The following PPARG variants were observed in gnomAD, a reference collection of about 807,000 sequenced individuals.
PPARG encodes peroxisome proliferator-activated receptor gamma.
Under a neutral mutation model 39.2 loss-of-function variants are expected in PPARG, and 17 were observed. That is an observed-to-expected ratio of 0.43 (90% confidence interval 0.30 to 0.65). The LOEUF is 0.65. Ranked by LOEUF, PPARG falls within the 30% of genes least tolerant of loss-of-function variation. The pLI, the probability that PPARG is intolerant of heterozygous loss-of-function variation, is 0.13. For missense variants in PPARG, 406 were observed against 585.9 expected (o/e 0.69, Z 3.17); for synonymous variants, 223 against 215.7 (o/e 1.03, Z -0.30).
At chr3:12,366,454 C>T (rs535306678) in intron 2 of PPARG, among the ~76,000 whole-genome samples, 40 of 151,776 alleles carry the variant, frequency 2.6e-4, no homozygotes, top group Middle Eastern at 6.8e-3. Flanking sequence ...TGTCTTGTTA[C>T]GTTAGCTAAG....
At chr3:12,426,091 A>G (rs563074062) in intron 7 of PPARG, among the ~76,000 whole-genome samples, 1 of 152,252 alleles carries the variant, frequency 6.6e-6, no homozygotes, top group South Asian at 2.1e-4. Context: ...TTGAGATGTA[A>G]TCGCTATTTA....
chr3:12,334,836 A>G (rs2047965142), intron 2 of PPARG, among the ~76,000 whole-genome samples: 1 of 152,124 alleles, frequency 6.6e-6, no homozygotes, highest in Non-Finnish European at 1.5e-5. Context: ...TTATCCTACC[A>G]TCTAGGTCAA....
intron 7 of PPARG, among the ~76,000 whole-genome samples, chr3:12,417,881 T>TTA (rs2051118855): frequency 7.5e-6 from 1 of 132,814 alleles, no homozygotes; most frequent in African/African-American, 2.9e-5. Flanking sequence ...TTTTTTCTTT[T>TTA]TTTTTTCTTT....
chr3:12,346,600 T>A (rs2048333869), intron 2 of PPARG, among the ~76,000 whole-genome samples: 1 of 152,106 alleles, frequency 6.6e-6, no homozygotes, highest in South Asian at 2.1e-4. Flanking sequence ...GAAGACCTTT[T>A]TTTTTTTGAT....
At chr3:12,319,587 T>C (rs957052301) in intron 2 of PPARG, among the ~76,000 whole-genome samples, 1 of 152,170 alleles carries the variant, frequency 6.6e-6, no homozygotes. Context: ...ACTGGAAATA[T>C]AAAGTATATT....
At chr3:12,381,908 C>A (rs1479244472) in intron 4 of PPARG, among the ~76,000 whole-genome samples, 5 of 151,334 alleles carry the variant, frequency 3.3e-5, no homozygotes, top group African/African-American at 1.2e-4. Flanking sequence ...TTCCTGCATT[C>A]TCTAGTTGTT....
intron 1 of PPARG, among the ~76,000 whole-genome samples, chr3:12,311,431 A>C (rs2047241356): frequency 1.3e-5 from 2 of 152,236 alleles, no homozygotes. Context: ...ATAAATAAAC[A>C]GGCAAAATAC....
In PPARG at chr3:12,379,738, G is replaced by C; in HGVS notation, c.27G>C (p.Trp9Cys). The C allele has an allele frequency of 6.2e-7, 1 of 1,613,870 alleles. No individual in the cohort carries two copies. Among genetic ancestry groups the C allele is most frequent in the Admixed American group, 1.7e-5 (1 of 59,982 alleles). MVDTEMPF[W>C]PTNFGISSVD... The stretch of plus-strand genomic sequence containing the variant: ...TGGTTGACACAGAGATGCCATTCTG[G>C]CCCACCAACTTTGGGATCAGCTCCG... The change falls in exon 3 of 8, where the codon TGG becomes TGC. Residue 9 changes from tryptophan to cysteine, a missense_variant. By Grantham distance (215) the Trp-to-Cys change is radical (BLOSUM62 -2). This residue lies in a region of PPARG where 131 missense variants were observed against 127.9 expected (regional missense o/e 1.02). Transcript: ENST00000651735.
intron 2 of PPARG, among the ~76,000 whole-genome samples, chr3:12,369,717 A>C (rs2049141997): frequency 6.6e-6 from 1 of 152,138 alleles, no homozygotes; most frequent in Non-Finnish European, 1.5e-5. Flanking sequence ...GTGCTGCTTA[A>C]GGTTGAGCCA....
At chr3:12,399,809 C>A (rs1467205515) in intron 5 of PPARG, among the ~76,000 whole-genome samples, 1 of 127,672 alleles carries the variant, frequency 7.8e-6, no homozygotes, top group African/African-American at 3.1e-5. Flanking sequence ...TTGGCGAGAT[C>A]CCATGTCTAC....
chr3:12,308,242 G>T (rs2047127546), intron 1 of PPARG, among the ~76,000 whole-genome samples: 1 of 151,342 alleles, frequency 6.6e-6, no homozygotes, highest in Non-Finnish European at 1.5e-5. Context: ...TACTTGGGAG[G>T]CCGAGGTGAG....
chr3:12,403,175 C>T (rs1297201227), intron 5 of PPARG, among the ~76,000 whole-genome samples: 1 of 151,516 alleles, frequency 6.6e-6, no homozygotes, highest in Admixed American at 6.6e-5. Context: ...CACCTGTAGT[C>T]CTAGCTACGC....
intron 2 of PPARG, among the ~76,000 whole-genome samples, chr3:12,315,426 C>A (rs577252593): frequency 2.6e-5 from 4 of 152,258 alleles, no homozygotes; most frequent in East Asian, 1.9e-4. Flanking sequence ...ACTGTGGTAA[C>A]TGGGGGGAAG....
At chr3:12,381,913 G>GTTGT (rs201388474) in intron 4 of PPARG, among the ~76,000 whole-genome samples, 1,992 of 150,904 alleles carry the variant, frequency 0.013, 56 homozygotes, top group African/African-American at 0.046. Context: ...GCATTCTCTA[G>GTTGT]TTGTTTATTT....
chr3:12,308,151 A>G (rs773730316), intron 1 of PPARG, among the ~76,000 whole-genome samples: 1 of 151,874 alleles, frequency 6.6e-6, no homozygotes. Context: ...AGAGATCAGC[A>G]TGGACAACAT....
At chr3:12,319,416 T>G (rs1463786916) in intron 2 of PPARG, among the ~76,000 whole-genome samples, 1 of 152,186 alleles carries the variant, frequency 6.6e-6, no homozygotes, top group Non-Finnish European at 1.5e-5. Context: ...TTATTGAACT[T>G]CTTCCAGATA....
In PPARG at chr3:12,379,939, G is replaced by T. The variant is rs1251135728; in HGVS notation, c.220+8G>T. The T allele has an allele frequency of 1.3e-5, 21 of 1,581,898 alleles. No homozygotes were observed. Among genetic ancestry groups the T allele is most frequent in the Non-Finnish European group, 1.7e-5 (20 of 1,150,958 alleles). ...AACTTCAAGAGTACCAAAGTATGAT[G>T]TTTATTTTCACTTTTCAGACTACTA... On this transcript the variant is annotated splice_region_variant and intron_variant, in intron 3 of 7. Transcript: ENST00000651735.
At chr3:12,416,576 G>C (rs1328314006) in intron 6 of PPARG, 128 bp from the exon 7 acceptor site, 2 of 841,438 alleles carry the variant, frequency 2.4e-6, no homozygotes, top group East Asian at 5.3e-5. Flanking sequence ...TCATTATTAA[G>C]CATCTTCAGC....
Position 12,426,597 on chromosome 3 carries a change from A to C in PPARG, c.1181-7301A>C, listed in dbSNP as rs144856118. On this transcript the variant is annotated intron_variant, in intron 7 of 7. Transcript: ENST00000651735. The stretch of plus-strand genomic sequence containing the variant: ...AAAAGGCTGAAGGGAGCAATAATTG[A>C]GGAAGAAAGAATAGGAAAAATGTAG... Among the ~76,000 whole-genome samples the C allele has an allele frequency of 3.0e-4, 46 of 152,324 alleles. 1 individual carries two copies. The highest frequency in any genetic ancestry group is 1.9e-3 in the South Asian group (9 of 4,816).
Sources: gnomAD v4.1 joint callset for allele counts (sites outside exome capture counted in the v4.1 genomes callset) on GRCh38, gnomAD v4.1.1 for gene constraint, gnomAD v4.1.1 regional missense constraint, MANE v1.5 for transcripts, NCBI Gene and HGNC (gene_info 2026-07-23, HGNC 2026-07-21) for gene names.